DAB2IP: variants seen among roughly 807,000 people sequenced by gnomAD.
DAB2IP encodes the protein disabled homolog 2-interacting protein.
A neutral mutation model predicts 107.2 loss-of-function variants in DAB2IP; 28 were observed. That is an observed-to-expected ratio of 0.26 (90% confidence interval 0.19 to 0.36). DAB2IP has a LOEUF of 0.36. DAB2IP is among the 10% of genes least tolerant of loss of function. DAB2IP has a pLI of 1.00. For synonymous variants in DAB2IP, 755 were observed against 706.4 expected (o/e 1.07, Z -1.09); for missense variants, 1,400 against 1,644.7 (o/e 0.85, Z 2.57).
chr9:121,567,724 C>A (rs1041213067), intron 1 of DAB2IP, among the ~76,000 whole-genome samples: 1 of 152,164 alleles, frequency 6.6e-6, no homozygotes, highest in African/African-American at 2.4e-5. Context: ...GAGAGCTGCC[C>A]AGGCCACTGG....
chr9:121,631,543 C>T (rs481137), intron 1 of DAB2IP, among the ~76,000 whole-genome samples: 5,821 of 152,040 alleles, frequency 0.038, 416 homozygotes, highest in African/African-American at 0.13. Context: ...TGCGGCCCGA[C>T]GCGGTGGCTC....
chr9:121,762,201 C>T (rs540067138), intron 6 of DAB2IP, among the ~76,000 whole-genome samples: 179 of 152,288 alleles, frequency 1.2e-3, no homozygotes, highest in Non-Finnish European at 1.8e-3. Flanking sequence ...CCAGATCTGG[C>T]CCCAGGTGGC....
At chr9:121,617,775 G>A (rs762035402) in intron 1 of DAB2IP, among the ~76,000 whole-genome samples, 38 of 152,342 alleles carry the variant, frequency 2.5e-4, no homozygotes, top group Non-Finnish European at 4.7e-4. Flanking sequence ...CTCATACCCA[G>A]TCTCCTGATA....
Sources: gnomAD v4.1 joint callset for allele counts (sites outside exome capture counted in the v4.1 genomes callset) on GRCh38, gnomAD v4.1.1 for gene constraint, MANE v1.5 for transcripts, NCBI Gene and HGNC (gene_info 2026-07-23, HGNC 2026-07-21) for gene names.